EBF4: variants seen among roughly 807,000 people sequenced by gnomAD.
EBF4 encodes the protein transcription factor COE4.
EBF4 carries 34 observed loss-of-function variants against 67.1 expected under a neutral mutation model. The observed-to-expected ratio is 0.51, with a 90% CI of 0.39 to 0.67. The LOEUF is 0.67. Among genes scored for constraint, EBF4 ranks in the 30% least tolerant of loss-of-function variants. EBF4 has a pLI of 0.00. For synonymous variants in EBF4, 387 were observed against 377.7 expected, an observed-to-expected ratio of 1.02 and a Z score of -0.29; for missense variants, 837 against 873.3, an observed-to-expected ratio of 0.96 and a Z score of 0.52.
chr20:2,749,316 G>A (rs1216282559), intron 7 of EBF4, 85 bp from the exon 8 acceptor site: 6 of 1,027,326 alleles, frequency 5.8e-6, no homozygotes, highest in Non-Finnish European at 8.4e-6. Flanking sequence ...CCAACCACCA[G>A]CCTCAAGGTG....
At chr20:2,726,912 A>G (rs1308799526) in intron 6 of EBF4, among the ~76,000 whole-genome samples, 1 of 152,082 alleles carries the variant, frequency 6.6e-6, no homozygotes, top group Non-Finnish European at 1.5e-5. Flanking sequence ...GAAACTCTAT[A>G]TTTATTAAGC....
At chr20:2,701,707 A>G (rs888315675) in intron 1 of EBF4, among the ~76,000 whole-genome samples, 7 of 152,280 alleles carry the variant, frequency 4.6e-5, no homozygotes, top group Non-Finnish European at 5.9e-5. Flanking sequence ...TTTTCTCTCT[A>G]TAGCCTCCCT....
chr20:2,737,865 T>C (rs1600231256), intron 6 of EBF4, among the ~76,000 whole-genome samples: 1 of 148,418 alleles, frequency 6.7e-6, no homozygotes, highest in East Asian at 2.0e-4. Context: ...CTCAGGAGGC[T>C]GAGGCAGGAG....
At chr20:2,758,803 G>C in intron 15 of EBF4, 106 bp from the exon 16 acceptor site, 1 of 1,007,260 alleles carries the variant, frequency 9.9e-7, no homozygotes, top group East Asian at 2.6e-5. Flanking sequence ...ACTGCCTTCA[G>C]AAAGTGCTAT....
chr20:2,711,899 A>G (rs912970087), intron 6 of EBF4, among the ~76,000 whole-genome samples: 3 of 152,228 alleles, frequency 2.0e-5, no homozygotes, highest in Non-Finnish European at 4.4e-5. Context: ...TGAAAAGATG[A>G]CATTTGAGCC....
At chr20:2,723,506 C>T (rs1037939977) in intron 6 of EBF4, among the ~76,000 whole-genome samples, 6 of 151,514 alleles carry the variant, frequency 4.0e-5, no homozygotes, top group South Asian at 2.1e-4. Flanking sequence ...GCCGCCACCA[C>T]GCCCGGCTAA....
chr20:2,711,375 T>G (rs1024197890), intron 6 of EBF4, among the ~76,000 whole-genome samples: 2 of 152,216 alleles, frequency 1.3e-5, no homozygotes, highest in Admixed American at 6.5e-5. Context: ...ACATTTTGGT[T>G]GTTTTCATCC....
chr20:2,744,492 C>CTTTTTTTTTTTTTTTTTTTTTTTTTTTT (rs35298353), intron 6 of EBF4, among the ~76,000 whole-genome samples: 1 of 115,892 alleles, frequency 8.6e-6, no homozygotes, highest in African/African-American at 3.3e-5. Context: ...TTTTTCTTTT[C>CTTTTTTTTTTTTTTTTTTTTTTTTTTTT]TTTTTTTTTT....
chr20:2,702,344 C>A (rs1043386439), intron 1 of EBF4, among the ~76,000 whole-genome samples: 7 of 151,766 alleles, frequency 4.6e-5, no homozygotes, highest in African/African-American at 1.7e-4. Context: ...GGGAGGATCA[C>A]GTGAGCCTAG....
At chr20:2,740,543 C>T (rs1056986573) in intron 6 of EBF4, among the ~76,000 whole-genome samples, 1 of 152,130 alleles carries the variant, frequency 6.6e-6, no homozygotes, top group Non-Finnish European at 1.5e-5. Flanking sequence ...TGACAGCTTT[C>T]TCTTTGGAAG....
At chr20:2,743,322 A>G (rs2087995842) in intron 6 of EBF4, among the ~76,000 whole-genome samples, 1 of 152,196 alleles carries the variant, frequency 6.6e-6, no homozygotes, top group Non-Finnish European at 1.5e-5. Context: ...CAGTCTCTCT[A>G]GGTCCAGGGG....
rs1032032227 is a variant in EBF4, at chr20:2,758,949, C to T, written c.1779C>T (p.Ala593=). The stretch of plus-strand genomic sequence containing the variant: ...ATTCTGACAAGTTTCACTCTCCAGC[C>T]CGGGGGCTTCAGGGCCTGGCATACT... The change falls in exon 16 of 17, where the codon GCC becomes GCT. Residue 593 remains alanine (A), a synonymous_variant. Coordinates refer to ENST00000609451, the Ensembl canonical transcript of EBF4. 2.6e-5 allele frequency: 40 copies of T among 1,551,680 alleles called. No individual in the cohort carries two copies. In the African/African-American group the frequency reaches 3.6e-4, roughly 14 times the overall value.
intron 1 of EBF4, among the ~76,000 whole-genome samples, chr20:2,702,286 G>A (rs1276813283): frequency 6.6e-6 from 1 of 152,098 alleles, no homozygotes; most frequent in East Asian, 1.9e-4. Flanking sequence ...TAATTAGCTG[G>A]GCATGGTGGC....
chr20:2,734,683 C>A (rs1413589873), intron 6 of EBF4, among the ~76,000 whole-genome samples: 1 of 152,214 alleles, frequency 6.6e-6, no homozygotes, highest in African/African-American at 2.4e-5. Context: ...TATTTCCTGT[C>A]ATGTATAATC....
At chr20:2,718,940 CGGAGCAT>C (rs1402455839) in intron 6 of EBF4, among the ~76,000 whole-genome samples, 7 of 152,136 alleles carry the variant, frequency 4.6e-5, no homozygotes, top group Admixed American at 4.6e-4. Flanking sequence ...GTACTGCTTT[CGGAGCAT>C]ACCCAAAATT....
At chr20:2,713,797 G>A (rs2087573421) in intron 6 of EBF4, among the ~76,000 whole-genome samples, 1 of 152,184 alleles carries the variant, frequency 6.6e-6, no homozygotes, top group African/African-American at 2.4e-5. Context: ...TTGGAGTTGA[G>A]ATATGAGACA....
upstream of EBF4, among the ~76,000 whole-genome samples, chr20:2,693,338 G>A (rs1427338641): frequency 1.3e-5 from 2 of 150,568 alleles, no homozygotes; most frequent in African/African-American, 4.8e-5. This position sits in a 1 kb window ranked among gnomAD's most constrained non-coding sequence, Gnocchi z 4.6. Flanking sequence ...CCTCCGCGCG[G>A]ACCGGGTGCG....
intron 6 of EBF4, among the ~76,000 whole-genome samples, chr20:2,718,362 C>A (rs1191442699): frequency 6.6e-6 from 1 of 152,058 alleles, no homozygotes; most frequent in Admixed American, 6.6e-5. Flanking sequence ...TGTGTGGAAC[C>A]AGTATAATTT....
rs369145231 is a variant in EBF4 at position 2,747,317 on chromosome 20, C to A, written c.558-1232C>A. Among the ~76,000 whole-genome samples the A allele has an allele frequency of 0.14, 17,905 of 126,760 alleles. 1,254 individuals are homozygous for A. Among genetic ancestry groups the A allele is most frequent in the East Asian group, 0.18 (814 of 4,464 alleles). The allele number at this position is 126,760 out of a possible 152,430, so 83.2% of individuals were successfully genotyped here. On this transcript the variant is annotated intron_variant, in intron 6 of 16. Coordinates refer to ENST00000609451, the Ensembl canonical transcript of EBF4. This position sits in a 1 kb window ranked among gnomAD's most constrained non-coding sequence, Gnocchi z 4.6. The stretch of plus-strand genomic sequence containing the variant: ...GTCTCAAAACAAAAAACAAAACAAA[C>A]AAAAAAAAAAAAACAGGAAAAAAAA...
Sources: gnomAD v4.1 joint callset for allele counts (sites outside exome capture counted in the v4.1 genomes callset) on GRCh38, gnomAD v4.1.1 for gene constraint, Gnocchi (gnomAD v3.1) non-coding constraint, MANE v1.5 for transcripts, NCBI Gene and HGNC (gene_info 2026-07-23, HGNC 2026-07-21) for gene names.